Variants in RBFOX1 observed in about 807,000 individuals in gnomAD.
The protein encoded by RBFOX1 is RNA binding protein fox-1 homolog 1.
A neutral mutation model predicts 57.7 loss-of-function variants in RBFOX1; 8 were observed. The observed-to-expected ratio is 0.14, with a 90% CI of 0.08 to 0.25. The LOEUF is 0.25. Among genes scored for constraint, RBFOX1 ranks in the 10% least tolerant of loss-of-function variants. RBFOX1 has a pLI of 1.00. For missense variants in RBFOX1, 611 were observed against 548.5 expected, an observed-to-expected ratio of 1.11 and a Z score of -1.14; for synonymous variants, 326 against 222.4, an observed-to-expected ratio of 1.47 and a Z score of -4.15.
intron 3 of RBFOX1, among the ~76,000 whole-genome samples, chr16:5,775,092 T>A (rs1420363320): frequency 6.6e-6 from 1 of 152,210 alleles, no homozygotes; most frequent in Non-Finnish European, 1.5e-5. Context: ...TCACAGTGAA[T>A]ATAGCTTGAT....
intron 4 of RBFOX1, among the ~76,000 whole-genome samples, chr16:7,155,631 C>G (rs17737505): frequency 0.13 from 18,562 of 138,674 alleles, 1,482 homozygotes; most frequent in East Asian, 0.31. Context: ...AGAGAAATAC[C>G]AATATTCCCA....
chr16:6,903,394 C>T (rs1279757622), intron 3 of RBFOX1, among the ~76,000 whole-genome samples: 6 of 152,162 alleles, frequency 3.9e-5, no homozygotes, highest in Admixed American at 1.3e-4. Context: ...ACATAGAGGC[C>T]AGTTCTGCGC....
rs146320955 is a variant in RBFOX1, at chr16:7,484,019, C to A, written c.28-34128C>A. ...CTATTCTGCCCCCCCATTCCCTAAC[C>A]CCTGGCAAGTATTAATCAGCTTTCT... On this transcript the variant is annotated intron_variant, in intron 4 of 15. Coordinates refer to ENST00000550418, the MANE Select transcript of RBFOX1 (RefSeq NM_018723.4). Among the ~76,000 whole-genome samples, 124 of 152,246 alleles carry A rather than the reference C, an allele frequency of 8.1e-4. 3 individuals carry two copies. The East Asian group carries it at 0.023, about 28-fold the overall frequency.
At chr16:5,549,470 G>C (rs1320727394) in intron 2 of RBFOX1, among the ~76,000 whole-genome samples, 1 of 152,160 alleles carries the variant, frequency 6.6e-6, no homozygotes, top group Non-Finnish European at 1.5e-5. Flanking sequence ...GGAACGCTTT[G>C]GAAGAGGGAA....
At chr16:6,772,828 T>C (rs1387994356) in intron 3 of RBFOX1, among the ~76,000 whole-genome samples, 2 of 149,032 alleles carry the variant, frequency 1.3e-5, no homozygotes. Flanking sequence ...TTTGTGTGTA[T>C]GTGAGTGTAT....
At chr16:7,629,623 G>T (rs913235411) in intron 10 of RBFOX1, among the ~76,000 whole-genome samples, 5 of 152,342 alleles carry the variant, frequency 3.3e-5, no homozygotes, top group African/African-American at 1.2e-4. Flanking sequence ...CTTTGCAGCA[G>T]TGGGAAAGTA....
At chr16:6,844,604 G>T (rs1392413239) in intron 3 of RBFOX1, among the ~76,000 whole-genome samples, 1 of 151,896 alleles carries the variant, frequency 6.6e-6, no homozygotes, top group Non-Finnish European at 1.5e-5. Context: ...CATTTAGGTT[G>T]AGTCCTTGTC....
intron 5 of RBFOX1, among the ~76,000 whole-genome samples, chr16:7,565,611 A>C (rs1236793212): frequency 6.6e-6 from 1 of 152,196 alleles, no homozygotes; most frequent in Non-Finnish European, 1.5e-5. Flanking sequence ...TTCGTTACAC[A>C]AATCAATTTG....
At chr16:6,658,431 ACTCCTGAC>A (rs1203906969) in intron 3 of RBFOX1, among the ~76,000 whole-genome samples, 2 of 149,608 alleles carry the variant, frequency 1.3e-5, no homozygotes, top group African/African-American at 4.9e-5. Context: ...ATGATCTTGA[ACTCCTGAC>A]CTCGTGATCC....
chr16:6,713,176 C>A (rs1264214898), intron 3 of RBFOX1, among the ~76,000 whole-genome samples: 2 of 152,206 alleles, frequency 1.3e-5, no homozygotes, highest in African/African-American at 2.4e-5. Context: ...TGTTCCCTCC[C>A]AGTCTTGCGT....
chr16:6,728,597 C>T (rs182601917), intron 3 of RBFOX1, among the ~76,000 whole-genome samples: 66 of 152,284 alleles, frequency 4.3e-4, no homozygotes, highest in African/African-American at 1.5e-3. Flanking sequence ...GGAAGCAGTG[C>T]TTTCAGAAGC....
chr16:6,954,873 T>C (rs1413966792), intron 3 of RBFOX1, among the ~76,000 whole-genome samples: 1 of 152,158 alleles, frequency 6.6e-6, no homozygotes, highest in African/African-American at 2.4e-5. Flanking sequence ...TTTCTATCAA[T>C]TCATGTGTCC....
chr16:6,500,887 T>TGTTTG (rs1326883091), intron 2 of RBFOX1, among the ~76,000 whole-genome samples: 2 of 19,550 alleles, frequency 1.0e-4, no homozygotes, highest in Non-Finnish European at 2.6e-4. Flanking sequence ...TTTTTTTTTT[T>TGTTTG]TTTTTTTTTT....
At chr16:7,533,341 AGTT>A (rs2080611365) in intron 5 of RBFOX1, among the ~76,000 whole-genome samples, 1 of 152,244 alleles carries the variant, frequency 6.6e-6, no homozygotes, top group African/African-American at 2.4e-5. Flanking sequence ...TGACTGCCAG[AGTT>A]GTTATATCAG....
intron 4 of RBFOX1, among the ~76,000 whole-genome samples, chr16:7,193,433 A>G (rs2085917285): frequency 1.3e-5 from 2 of 152,172 alleles, no homozygotes; most frequent in Non-Finnish European, 2.9e-5. Context: ...GAACTATAAG[A>G]TGGGTTGTTT....
intron 1 of RBFOX1, among the ~76,000 whole-genome samples, chr16:6,197,689 T>A (rs2097189261): frequency 6.6e-6 from 1 of 152,006 alleles, no homozygotes; most frequent in Non-Finnish European, 1.5e-5. Context: ...TGTTTTCTTA[T>A]ATAGATAAAG....
intron 4 of RBFOX1, among the ~76,000 whole-genome samples, chr16:7,486,086 G>C (rs1017953600): frequency 1.4e-5 from 2 of 146,102 alleles, no homozygotes; most frequent in Non-Finnish European, 3.0e-5. Context: ...CAACTTCACT[G>C]TGCTGTCTGT....
intron 2 of RBFOX1, among the ~76,000 whole-genome samples, chr16:5,510,823 G>T (rs1027159538): frequency 6.6e-6 from 1 of 151,996 alleles, no homozygotes; most frequent in Admixed American, 6.6e-5. Flanking sequence ...CAGCCTCCCA[G>T]CCCTCCACCC....
intron 4 of RBFOX1, among the ~76,000 whole-genome samples, chr16:7,286,300 T>G (rs887507320): frequency 2.0e-5 from 3 of 152,166 alleles, no homozygotes; most frequent in African/African-American, 7.2e-5. Context: ...TCCTTCCACC[T>G]TCAGCATCAT....
Sources: gnomAD v4.1 joint callset for allele counts (sites outside exome capture counted in the v4.1 genomes callset) on GRCh38, gnomAD v4.1.1 for gene constraint, MANE v1.5 for transcripts, NCBI Gene and HGNC (gene_info 2026-07-23, HGNC 2026-07-21) for gene names.